Variants in VANGL1 observed in about 807,000 individuals in gnomAD.
VANGL1 encodes the protein vang-like protein 1.
A neutral mutation model predicts 48.4 loss-of-function variants in VANGL1; 18 were observed. That is an observed-to-expected ratio of 0.37 (90% CI 0.26 to 0.55). The LOEUF (loss-of-function observed/expected upper bound fraction) is 0.55, where lower values mean the gene tolerates loss of function less well. Among genes scored for constraint, VANGL1 ranks in the 20% least tolerant of loss-of-function variants. VANGL1 has a pLI of 0.81. For missense variants in VANGL1, 667 were observed against 675.8 expected (o/e 0.99, Z 0.14); for synonymous variants, 257 against 261.8 (o/e 0.98, Z 0.18).
intron 1 of VANGL1, among the ~76,000 whole-genome samples, chr1:115,648,995 C>G (rs1652038323): frequency 6.6e-6 from 1 of 152,086 alleles, no homozygotes; most frequent in Admixed American, 6.5e-5. Context: ...GGGTGAGGGG[C>G]TTTCAGGGAG....
At chr1:115,683,342 G>A (rs1019463797) in intron 5 of VANGL1, among the ~76,000 whole-genome samples, 2 of 152,176 alleles carry the variant, frequency 1.3e-5, no homozygotes, top group African/African-American at 4.8e-5. Context: ...GGTGGTCAGT[G>A]GTCAGGGGAC....
At chr1:115,684,161 C>G (rs1405075633) in intron 6 of VANGL1, 85 bp downstream of exon 6, 5 of 1,174,642 alleles carry the variant, frequency 4.3e-6, no homozygotes, top group Non-Finnish European at 5.6e-6. Context: ...TATTTAGAGA[C>G]AGAATCTCAC....
rs577473121 is a variant in VANGL1, at chr1:115,691,404, A to T, written c.*25A>T. 3.1e-4 allele frequency: 435 copies of T among 1,401,264 alleles called. 5 individuals carry two copies. Among genetic ancestry groups the T allele is most frequent in the South Asian group, 2.6e-3 (190 of 74,398 alleles). The allele number at this position is 1,401,264 out of a possible 1,614,324, so 86.8% of individuals were successfully genotyped here. On this transcript the variant is annotated 3_prime_UTR_variant, in exon 8 of 8. Transcript: ENST00000355485. The stretch of plus-strand genomic sequence containing the variant: ...AAAGTTCTATATTTGTGGCTTTATT[A>T]AAAAAAAAAGAAAAATATATAGAGA...
In VANGL1 at chr1:115,659,662, C is replaced by G. The variant is rs1446338418; in HGVS notation, c.93C>G (p.His31Gln). 1 of 1,614,066 alleles carries G rather than the reference C, an allele frequency of 6.2e-7. No homozygotes were observed. Among genetic ancestry groups the G allele is most frequent in the Admixed American group, 1.7e-5 (1 of 60,008 alleles). Residue 31 changes from histidine to glutamine, a missense_variant, in exon 3 of 8, where the codon CAC becomes CAG. Coordinates refer to ENST00000355485, the MANE Select transcript of VANGL1 (RefSeq NM_138959.3). Reference sequence around the variant, plus strand: ...TCAGGGAAAGAACTAGAGAGAGACACAAGTCACCCCGGAATAAAGACGGCA... The same window carrying G: ...TCAGGGAAAGAACTAGAGAGAGACAGAAGTCACCCCGGAATAAAGACGGCA... ...HRQGERTRER[H>Q]KSPRNKDGRG...
Position 115,663,727 on chromosome 1 carries a change from G to T in VANGL1, c.271G>T (p.Asp91Tyr). 6.2e-7 allele frequency: 1 copy of T among 1,614,184 alleles called. No homozygotes were observed. The highest frequency in any genetic ancestry group is 1.1e-5 in the South Asian group (1 of 91,078). The change falls in exon 4 of 8, where the codon GAC (aspartate) becomes TAC (tyrosine). Residue 91 changes from aspartate (D) to tyrosine (Y), a missense_variant. By Grantham distance (160) the Asp-to-Tyr change is radical. Coordinates refer to ENST00000355485, the MANE Select transcript of VANGL1 (RefSeq NM_138959.3). The part of the protein sequence containing the change: ...GTSEHSISQE[D>Y]IARISKDMED... ...CTCGGAGCACAGCATATCCCAAGAG[G>T]ACATTGCCAGGATCAGCAAGGACAT... is the stretch of plus-strand genomic sequence containing the variant.
intron 3 of VANGL1, 30 bp from the exon 4 acceptor site, chr1:115,663,631 A>G: frequency 6.2e-6 from 10 of 1,613,996 alleles, no homozygotes; most frequent in Non-Finnish European, 7.6e-6. Flanking sequence ...GACCTGTGTC[A>G]TGTCATCCTC....
At chr1:115,646,698 A>G (rs1651954525) in intron 1 of VANGL1, among the ~76,000 whole-genome samples, 1 of 152,096 alleles carries the variant, frequency 6.6e-6, no homozygotes, top group South Asian at 2.1e-4. Context: ...ATGTCCTAGG[A>G]GCTGGAAAGA....
rs1158525888 is a variant in VANGL1, at chr1:115,642,021, GC to G, written c.-201del. ...CTGCCTCTCCAGGAGCCCAGCGCAG[GC>G]CGCAGAGCCGGGGCCGCTGTGAGCC... On this transcript the variant is annotated 5_prime_UTR_variant, in exon 1 of 8. Transcript: ENST00000355485. 1 of 151,426 alleles carries G rather than the reference GC, an allele frequency of 6.6e-6. No individual in the cohort carries two copies. The highest frequency in any genetic ancestry group is 1.5e-5 in the Non-Finnish European group (1 of 67,646). 9.4% of individuals were successfully genotyped at this position (151,426 alleles called of 1,614,324 possible). A position where few individuals can be genotyped will look rare whatever the true frequency, so the allele number is the denominator to read the frequency against.
chr1:115,660,611 C>T (rs1416161686), intron 3 of VANGL1, among the ~76,000 whole-genome samples: 2 of 152,188 alleles, frequency 1.3e-5, no homozygotes, highest in Non-Finnish European at 2.9e-5. Context: ...TCTGCATACC[C>T]TCTGCACATC....
chr1:115,648,553 G>A (rs532425948), intron 1 of VANGL1, among the ~76,000 whole-genome samples: 3 of 152,348 alleles, frequency 2.0e-5, no homozygotes, highest in East Asian at 3.9e-4. Flanking sequence ...ATGAGGACAA[G>A]GAATGAAGTC....
chr1:115,646,630 A>G (rs1224620243), intron 1 of VANGL1, among the ~76,000 whole-genome samples: 1 of 151,230 alleles, frequency 6.6e-6, no homozygotes, highest in Non-Finnish European at 1.5e-5. Flanking sequence ...CTATGGCCTC[A>G]TGTCCTAAGA....
At chr1:115,654,498 TAAAAA>T (rs869142756) in intron 2 of VANGL1, among the ~76,000 whole-genome samples, 105 of 90,802 alleles carry the variant, frequency 1.2e-3, no homozygotes, top group African/African-American at 4.6e-3. Flanking sequence ...TTGGTAGGGC[TAAAAA>T]AAAAAAAAAA....
chr1:115,643,174 T>G (rs1278938150), intron 1 of VANGL1, among the ~76,000 whole-genome samples: 1 of 152,232 alleles, frequency 6.6e-6, no homozygotes, highest in Non-Finnish European at 1.5e-5. Flanking sequence ...CTTAGACACT[T>G]AGTCCAAAAG....
chr1:115,663,930 C>G lies in VANGL1; in HGVS notation c.474C>G (p.Phe158Leu), dbSNP rs1180393090. The G allele has an allele frequency of 6.2e-7, 1 of 1,614,104 alleles. No individual in the cohort carries two copies. The highest frequency in any genetic ancestry group is 1.3e-5 in the African/African-American group (1 of 74,938). The change falls in exon 4 of 8, where the codon TTC becomes TTG. Residue 158 changes from phenylalanine (F) to leucine (L), a missense_variant. Coordinates refer to ENST00000355485, the MANE Select transcript of VANGL1 (RefSeq NM_138959.3). ...AGGGGCTCTTTATCTCCATGGCATT[C>G]AAACTCCTCATTCTGCTCATAGGGA... ...ICEGLFISMAFKLLILLIGTW... is the reference protein window; with the variant it reads ...ICEGLFISMALKLLILLIGTW...
intron 3 of VANGL1, among the ~76,000 whole-genome samples, chr1:115,662,029 G>A (rs1444140917): frequency 1.3e-5 from 2 of 152,160 alleles, no homozygotes; most frequent in Non-Finnish European, 2.9e-5. Flanking sequence ...TTTTCCAGAG[G>A]CACTGTACCA....
intron 2 of VANGL1, among the ~76,000 whole-genome samples, chr1:115,652,786 A>G (rs781426625): frequency 2.0e-5 from 3 of 152,228 alleles, no homozygotes; most frequent in Admixed American, 6.5e-5. Flanking sequence ...CATCTGGATT[A>G]CTAACGTAGA....
At position 115,659,318 on chromosome 1, in the gene VANGL1, A is replaced by G. The variant is rs768090735; in HGVS notation, c.72-323A>G. ...CCAAATCAAATCACTAATTATTACA[A>G]TAAAGTGTAACTAGCTACAAAAATC... On this transcript the variant is annotated intron_variant, in intron 2 of 7. Coordinates refer to ENST00000355485, the MANE Select transcript of VANGL1 (RefSeq NM_138959.3). 3.3e-5 allele frequency among the ~76,000 whole-genome samples: 5 copies of G among 152,194 alleles called. No homozygotes were observed. The East Asian group carries it at 5.8e-4, about 18-fold the overall frequency.
chr1:115,691,662 G>C lies in VANGL1; in HGVS notation c.*283G>C. 2.8e-6 allele frequency: 1 copy of C among 354,502 alleles called. No homozygotes were observed. Among genetic ancestry groups the C allele is most frequent in the Non-Finnish European group, 5.1e-6 (1 of 197,798 alleles). 22.0% of individuals were successfully genotyped at this position (354,502 alleles called of 1,614,324 possible). Reference sequence around the variant, plus strand: ...ACAGCTGTAAACCAAAGTGGAGCTGGTGCTTCTTGGGAGCCTCGCCTTACA... The same window carrying C: ...ACAGCTGTAAACCAAAGTGGAGCTGCTGCTTCTTGGGAGCCTCGCCTTACA... On this transcript the variant is annotated 3_prime_UTR_variant, in exon 8 of 8. Transcript: ENST00000355485.
intron 7 of VANGL1, among the ~76,000 whole-genome samples, chr1:115,689,450 G>A (rs1333636574): frequency 1.5e-5 from 2 of 135,810 alleles, no homozygotes; most frequent in South Asian, 2.5e-4. Flanking sequence ...TGGCCCACAT[G>A]GTGAAACTCC....
Sources: allele counts gnomAD v4.1 joint callset (sites outside exome capture counted in the v4.1 genomes callset), GRCh38; gene constraint gnomAD v4.1.1; transcripts MANE v1.5; gene names NCBI Gene and HGNC (gene_info 2026-07-23, HGNC 2026-07-21).